Variants in NAALADL2 observed in about 807,000 individuals in gnomAD.
NAALADL2 encodes inactive N-acetylated-alpha-linked acidic dipeptidase-like protein 2.
In NAALADL2, 76 loss-of-function variants were observed where a neutral mutation model predicts 87.2. That is an observed-to-expected ratio of 0.87 (90% CI 0.72 to 1.05). NAALADL2 has a LOEUF of 1.05. NAALADL2 is among the 50% of genes least tolerant of loss of function. NAALADL2 has a pLI of 0.00. For synonymous variants in NAALADL2, 354 were observed against 331.0 expected (o/e 1.07, Z -0.75); for missense variants, 1,089 against 945.8 (o/e 1.15, Z -1.99).
intron 5 of NAALADL2, among the ~76,000 whole-genome samples, chr3:175,415,814 T>TA (rs879337760): frequency 1.4e-3 from 197 of 144,634 alleles, no homozygotes; most frequent in Middle Eastern, 3.5e-3. Context: ...TTTTATACAT[T>TA]AAAAAAAAAA....
intron 1 of NAALADL2, among the ~76,000 whole-genome samples, chr3:174,913,527 G>A (rs758012381): frequency 6.6e-6 from 1 of 152,124 alleles, no homozygotes; most frequent in East Asian, 1.9e-4. Flanking sequence ...TCTAGGTTGT[G>A]GCAGTGGGCT....
chr3:175,664,996 T>A (rs996765481), intron 11 of NAALADL2, among the ~76,000 whole-genome samples: 1 of 152,188 alleles, frequency 6.6e-6, no homozygotes, highest in Admixed American at 6.5e-5. Context: ...ATAATGCAAC[T>A]GACAAGTGTG....
chr3:175,083,625 T>C (rs1718309883), intron 1 of NAALADL2, among the ~76,000 whole-genome samples: 1 of 152,126 alleles, frequency 6.6e-6, no homozygotes, highest in African/African-American at 2.4e-5. Context: ...TTATAATTAT[T>C]TTATAATTAA....
At chr3:174,855,995 T>TG (rs1312354861), upstream of NAALADL2, among the ~76,000 whole-genome samples, 1 of 150,624 alleles carries the variant, frequency 6.6e-6, no homozygotes, top group African/African-American at 2.4e-5. Flanking sequence ...TATATATATA[T>TG]ATATATATGA....
chr3:175,304,026 T>A (rs774037410), intron 4 of NAALADL2, among the ~76,000 whole-genome samples: 4 of 151,696 alleles, frequency 2.6e-5, no homozygotes, highest in Non-Finnish European at 5.9e-5. Flanking sequence ...TTTTTTTACA[T>A]ATGAAAATGA....
chr3:175,203,248 C>G (rs938891710), intron 2 of NAALADL2, among the ~76,000 whole-genome samples: 1 of 152,150 alleles, frequency 6.6e-6, no homozygotes, highest in African/African-American at 2.4e-5. Context: ...GGCCACCGTC[C>G]TGTTGGATCC....
intron 1 of NAALADL2, among the ~76,000 whole-genome samples, chr3:175,037,840 C>A (rs944559679): frequency 6.6e-6 from 1 of 152,148 alleles, no homozygotes; most frequent in Non-Finnish European, 1.5e-5. Flanking sequence ...TATCCCCATT[C>A]ATGCTTGCAA....
chr3:175,208,476 T>G (rs962800144), intron 2 of NAALADL2, among the ~76,000 whole-genome samples: 3 of 152,150 alleles, frequency 2.0e-5, no homozygotes. Context: ...GGCTTTTAGT[T>G]GTCTCTGCCT....
intron 1 of NAALADL2, among the ~76,000 whole-genome samples, chr3:174,547,031 T>G (rs1282373560): frequency 1.3e-5 from 2 of 152,170 alleles, no homozygotes; most frequent in Non-Finnish European, 2.9e-5. Flanking sequence ...TAACTCTTTA[T>G]TTTCAAAGAG....
chr3:174,965,688 C>G (rs1323858135), intron 1 of NAALADL2, among the ~76,000 whole-genome samples: 2 of 151,944 alleles, frequency 1.3e-5, no homozygotes, highest in African/African-American at 4.8e-5. Flanking sequence ...CTCAAGGAGG[C>G]TTGGTACGGG....
chr3:174,706,303 T>A (rs1188852944), intron 2 of NAALADL2, among the ~76,000 whole-genome samples: 1 of 152,122 alleles, frequency 6.6e-6, no homozygotes, highest in African/African-American at 2.4e-5. Flanking sequence ...AAAAATTAAC[T>A]CAAAATGTAT....
chr3:174,745,792 C>G (rs1342594365), intron 3 of NAALADL2, among the ~76,000 whole-genome samples: 1 of 152,064 alleles, frequency 6.6e-6, no homozygotes, highest in Non-Finnish European at 1.5e-5. Flanking sequence ...TAAACATACA[C>G]AAATTAATAA....
chr3:175,228,469 G>A (rs1041542876), intron 2 of NAALADL2, among the ~76,000 whole-genome samples: 3 of 151,374 alleles, frequency 2.0e-5, no homozygotes, highest in Non-Finnish European at 4.4e-5. Flanking sequence ...TACTTTGAAG[G>A]ACTACTATCC....
chr3:174,626,627 C>A (rs1216056129), intron 2 of NAALADL2, among the ~76,000 whole-genome samples: 1 of 151,912 alleles, frequency 6.6e-6, no homozygotes, highest in Non-Finnish European at 1.5e-5. Flanking sequence ...AATGTATCAA[C>A]CTTCTTCATA....
intron 2 of NAALADL2, chr3:174,692,137 A>C (rs1438951187): frequency 1.3e-5 from 2 of 152,058 alleles, no homozygotes; most frequent in Non-Finnish European, 2.9e-5. Flanking sequence ...AATTTCCCTC[A>C]CCCAGCTCAA....
chr3:175,407,741 G>A (rs1712666333), intron 5 of NAALADL2, among the ~76,000 whole-genome samples: 1 of 152,128 alleles, frequency 6.6e-6, no homozygotes, highest in South Asian at 2.1e-4. Context: ...TTCTAAATCA[G>A]GATGCATGAA....
chr3:174,631,122 A>C (rs922813344), intron 2 of NAALADL2, among the ~76,000 whole-genome samples: 1 of 152,146 alleles, frequency 6.6e-6, no homozygotes, highest in Admixed American at 6.5e-5. Context: ...TCATGATTAC[A>C]TGTTGTTTAC....
At chr3:174,852,075 C>T (rs1725319781) in intron 3 of NAALADL2, among the ~76,000 whole-genome samples, 1 of 152,006 alleles carries the variant, frequency 6.6e-6, no homozygotes, top group African/African-American at 2.4e-5. Flanking sequence ...AAGGAACCAA[C>T]CTGATAACTA....
chr3:175,042,026 T>G (rs1754130380), intron 1 of NAALADL2, among the ~76,000 whole-genome samples: 1 of 152,142 alleles, frequency 6.6e-6, no homozygotes, highest in African/African-American at 2.4e-5. Flanking sequence ...TCCTCAGAAT[T>G]TATTCATCTT....
Sources: gnomAD v4.1 joint callset for allele counts (sites outside exome capture counted in the v4.1 genomes callset) on GRCh38, gnomAD v4.1.1 for gene constraint, MANE v1.5 for transcripts, NCBI Gene and HGNC (gene_info 2026-07-23, HGNC 2026-07-21) for gene names.